The following SYT14 variants were observed in gnomAD, a reference collection of about 807,000 sequenced individuals.
The protein encoded by SYT14 is synaptotagmin-14.
Under a neutral mutation model 74.2 loss-of-function variants are expected in SYT14, and 32 were observed. That is an observed-to-expected ratio of 0.43 (90% CI 0.33 to 0.58). The LOEUF is 0.58. Among genes scored for constraint, SYT14 ranks in the 20% least tolerant of loss-of-function variants. SYT14 has a pLI of 0.05. For synonymous variants in SYT14, 298 were observed against 337.7 expected (o/e 0.88, Z 1.29); for missense variants, 791 against 981.8 (o/e 0.81, Z 2.60).
intron 6 of SYT14, 31 bp downstream of exon 5, chr1:210,094,624 G>A (rs780691422): frequency 6.2e-7 from 1 of 1,611,332 alleles, no homozygotes; most frequent in East Asian, 2.2e-5. Flanking sequence ...GTTTGAAAAT[G>A]AATGTTATTT....
At chr1:210,016,614 C>T in exon 4 of SYT14, 1 of 1,231,710 alleles carries the variant, frequency 8.1e-7, no homozygotes, top group Non-Finnish European at 1.0e-6. Context: ...CAGAAGAATG[C>T]CAACGGAATA....
intron 2 of SYT14, among the ~76,000 whole-genome samples, chr1:209,987,951 T>G (rs1359408789): frequency 6.6e-6 from 1 of 152,182 alleles, no homozygotes; most frequent in African/African-American, 2.4e-5. Flanking sequence ...TTCTTCGTTT[T>G]TTTCTTGTAC....
At chr1:209,961,791 G>A (rs1231246983) in intron 2 of SYT14, among the ~76,000 whole-genome samples, 1 of 151,904 alleles carries the variant, frequency 6.6e-6, no homozygotes, top group Non-Finnish European at 1.5e-5. Context: ...TATTCTTTCA[G>A]TGGTTTGACA....
At position 210,094,599 on chromosome 1, in the gene SYT14, T is replaced by C; in HGVS notation, c.1584+6T>C. 1 of 1,613,688 alleles carries C rather than the reference T, an allele frequency of 6.2e-7. No individual in the cohort carries two copies. The highest frequency in any genetic ancestry group is 8.5e-7 in the Non-Finnish European group (1 of 1,179,802). ...CTGCAGTCCTGAGCCCTGAAGTAAGTAAAAGCACATAGAAGTTTGAAAATG... is the reference window on the plus strand; with the variant it reads ...CTGCAGTCCTGAGCCCTGAAGTAAGCAAAAGCACATAGAAGTTTGAAAATG... On this transcript the variant is annotated splice_donor_region_variant and intron_variant, in intron 6 of 9. Coordinates refer to ENST00000637265, the Ensembl canonical transcript of SYT14.
chr1:209,983,157 T>C (rs2079517248), intron 2 of SYT14, among the ~76,000 whole-genome samples: 1 of 152,218 alleles, frequency 6.6e-6, no homozygotes, highest in Non-Finnish European at 1.5e-5. Flanking sequence ...TCTTCTCATT[T>C]TCTTCGCATT....
chr1:210,035,183 T>C (rs1013684092), intron 5 of SYT14, among the ~76,000 whole-genome samples: 2 of 151,714 alleles, frequency 1.3e-5, no homozygotes, highest in Admixed American at 6.6e-5. Flanking sequence ...GTCATATGCT[T>C]GTTGGCCATT....
intron 2 of SYT14, among the ~76,000 whole-genome samples, chr1:209,981,021 T>C (rs1258838979): frequency 6.6e-6 from 1 of 152,254 alleles, no homozygotes; most frequent in Non-Finnish European, 1.5e-5. Flanking sequence ...GCATTCAACC[T>C]ATAAATTACT....
rs1206065536 is a variant in SYT14 at position 209,980,566 on chromosome 1, T to A, written c.-486+27810T>A. 2.6e-5 allele frequency among the ~76,000 whole-genome samples: 4 copies of A among 152,250 alleles called. No homozygotes were observed. In the East Asian group the frequency reaches 5.8e-4, roughly 22 times the overall value. On this transcript the variant is annotated intron_variant, in intron 2 of 9. Transcript: ENST00000637265. ...GTATTGCCTAGATTTTCTTCTAAGGTTTTTATAGTTTTGGGTTTTACATTT... is the reference window on the plus strand; with the variant it reads ...GTATTGCCTAGATTTTCTTCTAAGGATTTTATAGTTTTGGGTTTTACATTT...
intron 2 of SYT14, among the ~76,000 whole-genome samples, chr1:209,986,751 G>A (rs983388221): frequency 6.6e-6 from 1 of 152,074 alleles, no homozygotes; most frequent in Non-Finnish European, 1.5e-5. Flanking sequence ...AGCCTTCTGA[G>A]TAGCTGGAAT....
At chr1:210,156,724 G>A (rs770035453) in intron 8 of SYT14, among the ~76,000 whole-genome samples, 1 of 35,810 alleles carries the variant, frequency 2.8e-5, no homozygotes, top group African/African-American at 9.8e-5. Flanking sequence ...AGACAGTTTT[G>A]TTCTTATCGC....
At chr1:210,095,290 T>C (rs565279890) in intron 6 of SYT14, among the ~76,000 whole-genome samples, 14 of 152,228 alleles carry the variant, frequency 9.2e-5, no homozygotes, top group Non-Finnish European at 2.1e-4. Flanking sequence ...TTTGTTTTTG[T>C]TTTGAGACAG....
intron 5 of SYT14, among the ~76,000 whole-genome samples, chr1:210,090,892 A>T (rs952926961): frequency 3.3e-5 from 5 of 152,180 alleles, no homozygotes; most frequent in African/African-American, 1.2e-4. Context: ...TTTTTAATGA[A>T]ATTTTTATTC....
At chr1:210,048,994 C>T (rs113747533) in intron 5 of SYT14, among the ~76,000 whole-genome samples, 48 of 152,358 alleles carry the variant, frequency 3.2e-4, no homozygotes, top group African/African-American at 1.1e-3. Context: ...TCTCCTTTGA[C>T]TCCATGTCTC....
intron 7 of SYT14, 81 bp downstream of exon 6, chr1:210,100,542 G>C: frequency 7.2e-7 from 1 of 1,392,414 alleles, no homozygotes. Context: ...CTTTAATCAA[G>C]CCAACAAGTT....
chr1:209,964,814 CA>C (rs113993655), intron 2 of SYT14, among the ~76,000 whole-genome samples: 3 of 148,976 alleles, frequency 2.0e-5, no homozygotes, highest in South Asian at 2.1e-4. Flanking sequence ...TCCTAGCTTG[CA>C]AAAAAAAATG....
At chr1:210,113,619 G>A (rs746479633) in intron 7 of SYT14, among the ~76,000 whole-genome samples, 7 of 150,896 alleles carry the variant, frequency 4.6e-5, no homozygotes, top group African/African-American at 7.4e-5. Flanking sequence ...GTGCATGATC[G>A]GTTGCTAAGG....
chr1:210,148,457 C>T (rs1244271918), intron 7 of SYT14, among the ~76,000 whole-genome samples: 1 of 150,678 alleles, frequency 6.6e-6, no homozygotes, highest in South Asian at 2.1e-4. Context: ...TGCGGTGAGC[C>T]GAGATCGCGC....
At chr1:209,947,333 A>T (rs757574803) in intron 1 of SYT14, among the ~76,000 whole-genome samples, 1 of 152,206 alleles carries the variant, frequency 6.6e-6, no homozygotes, top group Non-Finnish European at 1.5e-5. Flanking sequence ...TCTGGAAAGG[A>T]TTAATCATTC....
chr1:209,985,130 A>T (rs942110685), intron 2 of SYT14, among the ~76,000 whole-genome samples: 2 of 152,140 alleles, frequency 1.3e-5, no homozygotes, highest in Non-Finnish European at 2.9e-5. Context: ...TAGTCCCCCA[A>T]AGTTTTAACT....
Sources: allele counts gnomAD v4.1 joint callset (sites outside exome capture counted in the v4.1 genomes callset), GRCh38; gene constraint gnomAD v4.1.1; transcripts MANE v1.5; gene names NCBI Gene and HGNC (gene_info 2026-07-23, HGNC 2026-07-21).